The following SLC9A3 variants were observed in gnomAD, a reference collection of about 807,000 sequenced individuals.
SLC9A3 encodes the protein solute carrier family 9 member A3.
Under a neutral mutation model 86.8 loss-of-function variants are expected in SLC9A3, and 37 were observed. The observed-to-expected ratio is 0.43, with a 90% CI of 0.33 to 0.56. The LOEUF is 0.56. Ranked by LOEUF, SLC9A3 falls within the 20% of genes least tolerant of loss-of-function variation. SLC9A3 has a pLI of 0.06. For synonymous variants in SLC9A3, 581 were observed against 528.3 expected (o/e 1.10, Z -1.37); for missense variants, 1,011 against 1,171.9 (o/e 0.86, Z 2.00).
intron 5 of SLC9A3, among the ~76,000 whole-genome samples, chr5:484,107 G>C (rs1004393850): frequency 2.0e-5 from 3 of 150,720 alleles, no homozygotes; most frequent in Non-Finnish European, 4.4e-5. Flanking sequence ...GACCCAGGAG[G>C]GTGTGGAGAA....
intron 2 of SLC9A3, among the ~76,000 whole-genome samples, chr5:489,051 C>T (rs1417025574): frequency 6.6e-6 from 1 of 152,156 alleles, no homozygotes; most frequent in Non-Finnish European, 1.5e-5. Flanking sequence ...CTCTGGTGCC[C>T]CTCGCTGGGG....
rs532502443 is a variant in SLC9A3 at position 491,003 on chromosome 5, G to C, written c.514+766C>G. 2.6e-5 allele frequency among the ~76,000 whole-genome samples: 4 copies of C among 152,238 alleles called. No homozygotes were observed. Among genetic ancestry groups the C allele is most frequent in the Non-Finnish European group, 5.9e-5 (4 of 68,042 alleles). On this transcript the variant is annotated intron_variant, in intron 2 of 16. Transcript: ENST00000264938. This position sits in a 1 kb window ranked among gnomAD's most constrained non-coding sequence, Gnocchi z 9.2. ...GCCCCTTGATTCCCATGGAGAGGCC[G>C]GGCCGTGCTCTCTCTTGAACCAGAC...
chr5:476,452 GCA>G, intron 12 of SLC9A3, 74 bp from the exon 13 acceptor site: 2 of 1,604,254 alleles, frequency 1.2e-6, no homozygotes, highest in Non-Finnish European at 1.7e-6. Context: ...CAGGAGCTGA[GCA>G]CGGATCCCCC....
At chr5:498,383 C>T (rs1740124002) in intron 1 of SLC9A3, among the ~76,000 whole-genome samples, 1 of 152,192 alleles carries the variant, frequency 6.6e-6, no homozygotes, top group African/African-American at 2.4e-5. Flanking sequence ...CACTTCCTGC[C>T]TTCCAGCATC....
chr5:472,719 C>G lies in SLC9A3; in HGVS notation c.*660G>C. The G allele has an allele frequency of 1.8e-6, 1 of 562,674 alleles. No individual in the cohort carries two copies. The highest frequency in any genetic ancestry group is 3.4e-6 in the Non-Finnish European group (1 of 295,612). The allele number at this position is 562,674 out of a possible 1,614,324, so 34.9% of individuals were successfully genotyped here. On this transcript the variant is annotated 3_prime_UTR_variant, in exon 17 of 17. Transcript: ENST00000264938. ...CTGGCGAGGGCCTGGAAACGGCGCT[C>G]GGCCCAGGCCGCTTGCGGGCGCTGG...
rs1053749760 is a variant in SLC9A3, at chr5:471,800, G to A, written c.*1579C>T. 2.2e-6 allele frequency: 1 copy of A among 456,618 alleles called. No homozygotes were observed. The highest frequency in any genetic ancestry group is 1.5e-5 in the South Asian group (1 of 64,574). The allele number at this position is 456,618 out of a possible 1,614,324, so 28.3% of individuals were successfully genotyped here. The stretch of plus-strand genomic sequence containing the variant: ...GCTTCTCCGAAGCAGCGGTCATGCA[G>A]GCTTTTGTGTGGCTGACGCTTCCCT... On this transcript the variant is annotated 3_prime_UTR_variant, in exon 17 of 17. Coordinates refer to ENST00000264938, the MANE Select transcript of SLC9A3 (RefSeq NM_004174.4).
intron 10 of SLC9A3, chr5:477,818 C>G (rs1047894449): frequency 1.1e-5 from 2 of 187,756 alleles, no homozygotes; most frequent in Admixed American, 6.2e-5. Flanking sequence ...GACCCTAAAA[C>G]TCCATTGGCC....
At position 476,217 on chromosome 5, in the gene SLC9A3, C is replaced by T. The variant is rs201338573; in HGVS notation, c.2052G>A (p.Glu684=). The change falls in exon 13 of 17, where the codon GAG becomes GAA. Residue 684 remains glutamate, a synonymous_variant. Coordinates refer to ENST00000264938, the MANE Select transcript of SLC9A3 (RefSeq NM_004174.4). ...CCAGCCTTACCCGCTTCTGGGCACGCTCCCGCTTGTACAGCTTGGCCGCCT... is the reference window on the plus strand; with the variant it reads ...CCAGCCTTACCCGCTTCTGGGCACGTTCCCGCTTGTACAGCTTGGCCGCCT... The part of the protein sequence containing the change: ...NKKAAKLYKR[E]RAQKRRNSSI... 17 of 1,613,854 alleles carry T rather than the reference C, an allele frequency of 1.1e-5. No homozygotes were observed. The East Asian group carries it at 3.6e-4, about 34-fold the overall frequency.
At chr5:520,030 C>A (rs1342933000) in intron 1 of SLC9A3, among the ~76,000 whole-genome samples, 1 of 152,196 alleles carries the variant, frequency 6.6e-6, no homozygotes, top group African/African-American at 2.4e-5. Context: ...GCAACACAAG[C>A]TCCACTTCGA....
intron 1 of SLC9A3, among the ~76,000 whole-genome samples, chr5:502,986 C>T (rs992052660): frequency 6.6e-5 from 10 of 151,514 alleles, no homozygotes; most frequent in African/African-American, 9.8e-5. Context: ...GCCGCTGTAA[C>T]GACACAGATG....
chr5:492,661 G>GA (rs921119269), intron 1 of SLC9A3, among the ~76,000 whole-genome samples: 3 of 151,392 alleles, frequency 2.0e-5, no homozygotes, highest in African/African-American at 7.3e-5. Flanking sequence ...ACGGTGGTCG[G>GA]GGGGGGGCCT....
intron 3 of SLC9A3, among the ~76,000 whole-genome samples, chr5:485,711 A>G (rs1560173): frequency 0.88 from 134,523 of 152,346 alleles, 59,911 homozygotes; most frequent in Non-Finnish European, 0.93. Context: ...GACGCAGGTG[A>G]GACCGGCCGA....
At chr5:485,877 G>A (rs544005936) in intron 3 of SLC9A3, among the ~76,000 whole-genome samples, 44 of 152,306 alleles carry the variant, frequency 2.9e-4, no homozygotes, top group Non-Finnish European at 5.0e-4. Flanking sequence ...TGAGGGTCCC[G>A]GGGTCTCTTG....
chr5:486,200 G>GCGTCTGCAGGGTCCT (rs1158384166), intron 3 of SLC9A3, among the ~76,000 whole-genome samples: 3 of 152,154 alleles, frequency 2.0e-5, no homozygotes, highest in African/African-American at 7.2e-5. Flanking sequence ...CCCTCCGGCT[G>GCGTCTGCAGGGTCCT]CGTCTGCAGG....
intron 1 of SLC9A3, among the ~76,000 whole-genome samples, chr5:515,440 G>A (rs1024716273): frequency 2.0e-5 from 3 of 152,058 alleles, no homozygotes; most frequent in East Asian, 1.9e-4. Flanking sequence ...CTGACGACAC[G>A]ACACTTTGGA....
intron 2 of SLC9A3, among the ~76,000 whole-genome samples, chr5:488,702 AC>A (rs1739583174): frequency 6.6e-6 from 1 of 152,240 alleles, no homozygotes; most frequent in South Asian, 2.1e-4. Context: ...AGACAGACAG[AC>A]AGACTGACCC....
At position 491,232 on chromosome 5, in the gene SLC9A3, G is replaced by A. The variant is rs1366910069; in HGVS notation, c.514+537C>T. Among the ~76,000 whole-genome samples the A allele has an allele frequency of 6.6e-6, 1 of 152,212 alleles. No homozygotes were observed. The highest frequency in any genetic ancestry group is 2.4e-5 in the African/African-American group (1 of 41,458). On this transcript the variant is annotated intron_variant, in intron 2 of 16. Coordinates refer to ENST00000264938, the MANE Select transcript of SLC9A3 (RefSeq NM_004174.4). This position sits in a 1 kb window ranked among gnomAD's most constrained non-coding sequence, Gnocchi z 9.2. ...GGCAGCAGCGGCGGGCATCAGGGCT[G>A]CACCGCACCTGGCATGTTGAGAGGC...
intron 1 of SLC9A3, among the ~76,000 whole-genome samples, chr5:506,388 G>A (rs1309508583): frequency 6.6e-6 from 1 of 152,198 alleles, no homozygotes; most frequent in African/African-American, 2.4e-5. Context: ...CGCACAGGGC[G>A]CATTCTCACG....
intron 1 of SLC9A3, among the ~76,000 whole-genome samples, chr5:519,612 G>T (rs1451864170): frequency 1.3e-5 from 2 of 152,176 alleles, no homozygotes. Flanking sequence ...CGGGGGTCCG[G>T]GAGTCAAGTG....
Sources: gnomAD v4.1 joint callset for allele counts (sites outside exome capture counted in the v4.1 genomes callset) on GRCh38, gnomAD v4.1.1 for gene constraint, Gnocchi (gnomAD v3.1) non-coding constraint, MANE v1.5 for transcripts, NCBI Gene and HGNC (gene_info 2026-07-23, HGNC 2026-07-21) for gene names.